SLC30A10: variants seen among roughly 807,000 people sequenced by gnomAD.
SLC30A10 encodes the protein solute carrier family 30 member 10.
A neutral mutation model predicts 21.7 loss-of-function variants in SLC30A10; 8 were observed. The ratio of observed to expected loss-of-function variants is 0.37; its 90% CI spans 0.22 to 0.67. SLC30A10 has a LOEUF of 0.67. Among genes scored for constraint, SLC30A10 ranks in the 30% least tolerant of loss-of-function variants. SLC30A10 has a pLI of 0.58. For synonymous variants in SLC30A10, 272 were observed against 279.4 expected, an observed-to-expected ratio of 0.97 and a Z score of 0.26; for missense variants, 521 against 642.5, an observed-to-expected ratio of 0.81 and a Z score of 2.04.
chr1:219,951,097 A>G (rs895238297), intron 1 of SLC30A10, among the ~76,000 whole-genome samples: 2 of 152,110 alleles, frequency 1.3e-5, no homozygotes, highest in African/African-American at 4.8e-5. Context: ...AGTAGCTGGA[A>G]CTATAGGCAC....
intron 1 of SLC30A10, among the ~76,000 whole-genome samples, chr1:219,944,019 G>T (rs1480988871): frequency 6.6e-6 from 1 of 150,896 alleles, no homozygotes; most frequent in Non-Finnish European, 1.5e-5. Context: ...AGAATGGCGT[G>T]AACCCAGGAG....
At position 219,937,726 on chromosome 1, in the gene SLC30A10, T is replaced by C. The variant is rs923740053; in HGVS notation, n.81-10621A>G. ...CTACTCGGGAGGCTGAGCACAAGAA[T>C]CGCTTGAACCTGGAGGCGGAGGTTG... is the stretch of plus-strand genomic sequence containing the variant. On this transcript the variant is annotated intron_variant and non_coding_transcript_variant, in intron 1 of 8. Transcript: ENST00000484239. Among the ~76,000 whole-genome samples the C allele has an allele frequency of 5.3e-5, 8 of 152,320 alleles. No individual in the cohort carries two copies. In the East Asian group the frequency reaches 1.5e-3, roughly 29 times the overall value.
intron 1 of SLC30A10, among the ~76,000 whole-genome samples, chr1:219,950,406 G>A (rs1411503864): frequency 5.3e-5 from 8 of 152,160 alleles, no homozygotes; most frequent in Non-Finnish European, 1.0e-4. Flanking sequence ...TTGGGAGGCC[G>A]AGGTGGGTGG....
chr1:219,913,324 T>C lies in SLC30A10; in HGVS notation c.*2125A>G, dbSNP rs1363446106. ...GAAGTTAGGTTTAATTACAGTGGAA[T>C]TAAGTGCCTTTTCTTACCCAGAAAA... is the stretch of plus-strand genomic sequence containing the variant. On this transcript the variant is annotated 3_prime_UTR_variant, in exon 4 of 4. Coordinates refer to ENST00000366926, the MANE Select transcript of SLC30A10 (RefSeq NM_018713.3). Among the ~76,000 whole-genome samples the C allele has an allele frequency of 3.2e-4, 49 of 152,262 alleles. 1 individual carries two copies. Among genetic ancestry groups the C allele is most frequent in the Admixed American group, 3.2e-3 (49 of 15,286 alleles).
chr1:219,954,614 A>G (rs1173950903), intron 1 of SLC30A10, among the ~76,000 whole-genome samples: 2 of 145,078 alleles, frequency 1.4e-5, no homozygotes, highest in African/African-American at 5.0e-5. Context: ...GAGGAGGCAG[A>G]GGTTGCAGTG....
intron 1 of SLC30A10, among the ~76,000 whole-genome samples, chr1:219,942,934 A>G (rs1464969108): frequency 6.6e-6 from 1 of 152,194 alleles, no homozygotes; most frequent in African/African-American, 2.4e-5. Context: ...AATCCCGGCT[A>G]CTTGGGATGC....
intron 1 of SLC30A10, among the ~76,000 whole-genome samples, chr1:219,951,746 A>C (rs1660275232): frequency 1.3e-5 from 2 of 151,618 alleles, no homozygotes; most frequent in African/African-American, 4.8e-5. Flanking sequence ...AGAAAAGAAA[A>C]GGAAAGAAAC....
In SLC30A10 at chr1:219,912,463, C is replaced by T. The variant is rs189432262; in HGVS notation, c.*2986G>A. The stretch of plus-strand genomic sequence containing the variant: ...TGTAGAAACAGAAGTGCAGTAGGGC[C>T]GTGTAGAAGGCCAGGTGAGCACACA... On this transcript the variant is annotated 3_prime_UTR_variant, in exon 4 of 4. Coordinates refer to ENST00000366926, the MANE Select transcript of SLC30A10 (RefSeq NM_018713.3). Among the ~76,000 whole-genome samples the T allele has an allele frequency of 1.1e-4, 17 of 152,218 alleles. No individual in the cohort carries two copies. Among genetic ancestry groups the T allele is most frequent in the Admixed American group, 5.9e-4 (9 of 15,288 alleles).
At chr1:219,940,930 A>T (rs567812688) in intron 1 of SLC30A10, among the ~76,000 whole-genome samples, 40 of 152,340 alleles carry the variant, frequency 2.6e-4, no homozygotes, top group African/African-American at 9.4e-4. Context: ...TAAAACCCTG[A>T]CTTCATTTCT....
chr1:219,932,348 G>T (rs1043031541), upstream of SLC30A10, among the ~76,000 whole-genome samples: 1 of 152,192 alleles, frequency 6.6e-6, no homozygotes, highest in African/African-American at 2.4e-5. Flanking sequence ...TGCAAAACTT[G>T]ATATGCTACA....
At chr1:219,951,567 A>G (rs2102547037) in intron 1 of SLC30A10, among the ~76,000 whole-genome samples, 1 of 151,702 alleles carries the variant, frequency 6.6e-6, no homozygotes, top group South Asian at 2.1e-4. Context: ...TAAAAATACA[A>G]AAAATTAGCC....
Position 219,918,058 on chromosome 1 carries a change from G to A in SLC30A10, c.958+197C>T, listed in dbSNP as rs114377967. 4.6e-3 allele frequency among the ~76,000 whole-genome samples: 697 copies of A among 152,136 alleles called. No individual in the cohort carries two copies. Among genetic ancestry groups the A allele is most frequent in the Non-Finnish European group, 8.0e-3 (546 of 67,996 alleles). Reference sequence around the variant, plus strand: ...ATTTGCAGTTGAGTCAGAGAATCACGGATTGCAAAGGACCTTTGGTACTTG... The same window carrying A: ...ATTTGCAGTTGAGTCAGAGAATCACAGATTGCAAAGGACCTTTGGTACTTG... On this transcript the variant is annotated intron_variant, in intron 3 of 3. Transcript: ENST00000366926. The surrounding 1 kb of genome is among the most constrained non-coding windows in gnomAD (Gnocchi z 4.4).
chr1:219,941,418 T>C (rs1232431008), intron 1 of SLC30A10, among the ~76,000 whole-genome samples: 1 of 152,158 alleles, frequency 6.6e-6, no homozygotes, highest in Non-Finnish European at 1.5e-5. Flanking sequence ...GTATAGATGG[T>C]GCCCAAGTGT....
At chr1:219,936,830 C>A (rs755110439) in intron 1 of SLC30A10, among the ~76,000 whole-genome samples, 1 of 152,180 alleles carries the variant, frequency 6.6e-6, no homozygotes, top group Non-Finnish European at 1.5e-5. Flanking sequence ...TCCTGGTTTT[C>A]CTTATATTTC....
At chr1:219,954,566 G>T (rs1415831781) in intron 1 of SLC30A10, among the ~76,000 whole-genome samples, 7 of 150,932 alleles carry the variant, frequency 4.6e-5, no homozygotes, top group Non-Finnish European at 1.0e-4. Flanking sequence ...TGTAATCCCA[G>T]TTACTTGGGA....
At chr1:219,932,702 A>ATTT (rs1345364231), upstream of SLC30A10, among the ~76,000 whole-genome samples, 5 of 97,118 alleles carry the variant, frequency 5.1e-5, no homozygotes, top group Admixed American at 1.1e-4. Context: ...TTGAGTAACC[A>ATTT]TTCTTTTTTT....
Position 219,951,508 on chromosome 1 carries a change from T to C in SLC30A10, n.80+7060A>G, listed in dbSNP as rs754602660. Among the ~76,000 whole-genome samples, 489 of 150,450 alleles carry C rather than the reference T, an allele frequency of 3.3e-3. 1 individual carries two copies. Among genetic ancestry groups the C allele is most frequent in the Non-Finnish European group, 2.7e-3 (181 of 67,570 alleles). On this transcript the variant is annotated intron_variant and non_coding_transcript_variant, in intron 1 of 8. Coordinates refer to the SLC30A10 transcript ENST00000484239. ...AGGCCGAGGCGTGTGGATCACGAGG[T>C]CAGGAGATCGAGACCATCCTGGCTA...
chr1:219,949,500 C>T (rs1034130385), intron 1 of SLC30A10, among the ~76,000 whole-genome samples: 7 of 151,876 alleles, frequency 4.6e-5, no homozygotes, highest in Admixed American at 1.3e-4. Context: ...AGTAAACTAT[C>T]GCAAGAACAA....
At chr1:219,930,948 T>C (rs1354265726), upstream of SLC30A10, among the ~76,000 whole-genome samples, 2 of 152,220 alleles carry the variant, frequency 1.3e-5, no homozygotes, top group Non-Finnish European at 2.9e-5. Flanking sequence ...GAATTACTAT[T>C]GAACAACAGA....
Sources: allele counts gnomAD v4.1 joint callset (sites outside exome capture counted in the v4.1 genomes callset), GRCh38; gene constraint gnomAD v4.1.1; non-coding constraint Gnocchi (gnomAD v3.1); transcripts MANE v1.5; gene names NCBI Gene and HGNC (gene_info 2026-07-23, HGNC 2026-07-21).